FLT4: variants seen among roughly 807,000 people sequenced by gnomAD.
FLT4 encodes fms related receptor tyrosine kinase 4.
FLT4 carries 30 observed loss-of-function variants against 163.2 expected under a neutral mutation model. The ratio of observed to expected loss-of-function variants is 0.18; its 90% CI spans 0.14 to 0.25. The LOEUF (loss-of-function observed/expected upper bound fraction) is 0.25, where lower values mean the gene tolerates loss of function less well. Ranked by LOEUF, FLT4 falls within the 10% of genes least tolerant of loss-of-function variation. The pLI is 1.00. For missense variants in FLT4, 1,510 were observed against 1,863.8 expected, an observed-to-expected ratio of 0.81 and a Z score of 3.50; for synonymous variants, 884 against 789.5, an observed-to-expected ratio of 1.12 and a Z score of -2.01.
In FLT4 at chr5:180,603,071, G is replaced by A; in HGVS notation, c.*121C>T. On this transcript the variant is annotated 3_prime_UTR_variant, in exon 30 of 30. Transcript: ENST00000261937. ...CCTAGCTGGGAAGTCTGCAGAGAGGGAAGAGGACACTCCTGTGCCACCAGA... is the reference window on the plus strand; with the variant it reads ...CCTAGCTGGGAAGTCTGCAGAGAGGAAAGAGGACACTCCTGTGCCACCAGA... The A allele has an allele frequency of 1.0e-6, 1 of 956,962 alleles. No homozygotes were observed. Among genetic ancestry groups the A allele is most frequent in the Admixed American group, 2.0e-5 (1 of 49,938 alleles). The allele number at this position is 956,962 out of a possible 1,614,324, so 59.3% of individuals were successfully genotyped here.
At chr5:180,628,570 G>A (rs1763828962) in intron 8 of FLT4, among the ~76,000 whole-genome samples, 1 of 152,238 alleles carries the variant, frequency 6.6e-6, no homozygotes, top group African/African-American at 2.4e-5. Flanking sequence ...TGGAGATTCT[G>A]CAGGGCAGAG....
At chr5:180,629,882 C>T (rs780961346) in intron 5 of FLT4, 47 bp from the exon 6 acceptor site, 1 of 1,612,602 alleles carries the variant, frequency 6.2e-7, no homozygotes, top group Non-Finnish European at 8.5e-7. Context: ...AGGACGACAC[C>T]CACTGAGGCC....
Position 180,621,816 on chromosome 5 carries a change from G to A in FLT4, c.1746C>T (p.Ser582=). The A allele has an allele frequency of 6.2e-7, 1 of 1,613,408 alleles. No individual in the cohort carries two copies. Among genetic ancestry groups the A allele is most frequent in the Non-Finnish European group, 8.5e-7 (1 of 1,179,960 alleles). ...QPVLLSCQAD[S]YKYEHLRWYR... Reference sequence around the variant, plus strand: ...ACCAGCGCAGATGCTCGTACTTGTAGCTGTCGGCTTGGCAGCTCAGGAGCA... The same window carrying A: ...ACCAGCGCAGATGCTCGTACTTGTAACTGTCGGCTTGGCAGCTCAGGAGCA... The change falls in exon 13 of 30, where the codon AGC becomes AGT. Residue 582 remains serine (S), a synonymous_variant. Transcript: ENST00000261937.
chr5:180,618,759 C>T lies in FLT4; in HGVS notation c.3001+11G>A, dbSNP rs1762873165. 6.3e-7 allele frequency: 1 copy of T among 1,583,508 alleles called. No homozygotes were observed. Among genetic ancestry groups the T allele is most frequent in the Non-Finnish European group, 8.6e-7 (1 of 1,165,486 alleles). On this transcript the variant is annotated intron_variant, in intron 21 of 29. Transcript: ENST00000261937. ...CAGGCACTAGGAAAAGGGAAGAGGC[C>T]AGGCTCTCACCTTCTTGGTCTGGAG...
intron 29 of FLT4, chr5:180,608,315 T>C (rs936991627): frequency 1.3e-5 from 9 of 700,756 alleles, no homozygotes; most frequent in African/African-American, 1.2e-4. Flanking sequence ...CCCATGATCA[T>C]GTGACTTGCT....
At chr5:180,605,191 C>T (rs1050216314) in intron 29 of FLT4, among the ~76,000 whole-genome samples, 27 of 152,318 alleles carry the variant, frequency 1.8e-4, no homozygotes, top group East Asian at 1.9e-4. Flanking sequence ...TCTTGAACTC[C>T]GGGCCTCAAG....
intron 1 of FLT4, among the ~76,000 whole-genome samples, chr5:180,641,702 T>C (rs13362185): frequency 0.042 from 6,412 of 152,250 alleles, 194 homozygotes; most frequent in South Asian, 0.12. Flanking sequence ...CCCTGTGCCT[T>C]CAGAGCTTAA....
Position 180,630,098 on chromosome 5 carries a change from G to A in FLT4, c.521C>T (p.Ser174Leu), listed in dbSNP as rs773696166. Residue 174 changes from serine to leucine, a missense_variant, in exon 5 of 30, where the codon TCG becomes TTG. By Grantham distance (145) the Ser-to-Leu change is moderately radical. This residue lies in a region of FLT4 where 163 missense variants were observed against 281.1 expected (regional missense o/e 0.58). Transcript: ENST00000261937. The surrounding 1 kb of genome is among the most constrained non-coding windows in gnomAD (Gnocchi z 6.3). ...CTCCTGCCCGTCTGGCCACAGCACCGAGCTTTGCTGGAGGGACAAGGCCAC... is the reference window on the plus strand; with the variant it reads ...CTCCTGCCCGTCTGGCCACAGCACCAAGCTTTGCTGGAGGGACAAGGCCAC... ...GLNVTLRSQS[S>L]VLWPDGQEVV... The A allele has an allele frequency of 1.4e-4, 226 of 1,612,510 alleles. No individual in the cohort carries two copies. The highest frequency in any genetic ancestry group is 1.9e-4 in the Non-Finnish European group (219 of 1,179,984).
chr5:180,647,724 T>A (rs1765552392), intron 1 of FLT4, among the ~76,000 whole-genome samples: 1 of 151,936 alleles, frequency 6.6e-6, no homozygotes, highest in Non-Finnish European at 1.5e-5. Flanking sequence ...ATGACCTCTG[T>A]CTTCATTGCC....
At chr5:180,612,346 G>T (rs1370118277) in intron 26 of FLT4, 160 bp downstream of exon 26, 1 of 670,734 alleles carries the variant, frequency 1.5e-6, no homozygotes, top group Admixed American at 2.2e-5. Flanking sequence ...AGATGCAAGG[G>T]TGTGGGGACG....
rs756305061 is a variant in FLT4 at position 180,614,185 on chromosome 5, G to T, written c.3220-6C>A. 1 of 1,595,418 alleles carries T rather than the reference G, an allele frequency of 6.3e-7. No individual in the cohort carries two copies. The highest frequency in any genetic ancestry group is 8.6e-7 in the Non-Finnish European group (1 of 1,166,052). On this transcript the variant is annotated splice_polypyrimidine_tract_variant and splice_region_variant and intron_variant, in intron 23 of 29. Transcript: ENST00000261937. The stretch of plus-strand genomic sequence containing the variant: ...CACTTCAGGGGCAGCCGGGCCTGGG[G>T]AGACAGAGGGAAGCTTGTCCCGTGG...
chr5:180,601,533 A>G lies in FLT4; in HGVS notation c.*1659T>C. ...CGCAACACACACAAAGACCGGCATC[A>G]GATTTATTATTATCTCTTGTTAAAT... On this transcript the variant is annotated 3_prime_UTR_variant, in exon 30 of 30. Coordinates refer to ENST00000261937, the MANE Select transcript of FLT4 (RefSeq NM_182925.5). The G allele has an allele frequency of 4.3e-6, 1 of 232,866 alleles. No homozygotes were observed. The highest frequency in any genetic ancestry group is 1.3e-3 in the Middle Eastern group (1 of 782). 14.4% of individuals were successfully genotyped at this position (232,866 alleles called of 1,614,324 possible). A position where few individuals can be genotyped will look rare whatever the true frequency, so the allele number is the denominator to read the frequency against.
At chr5:180,609,476 A>C in intron 28 of FLT4, 1 of 358,328 alleles carries the variant, frequency 2.8e-6, no homozygotes. Flanking sequence ...TTTTATTTTG[A>C]ATTACACGGG....
At position 180,620,240 on chromosome 5, in the gene FLT4, C is replaced by T. The variant is rs1169185222; in HGVS notation, c.2475G>A (p.Glu825=). ...IIMDPGEVPL[E]EQCEYLSYDA... Reference sequence around the variant, plus strand: ...CGTAGGACAGGTATTCGCATTGCTCCTCCAGAGGCACCTCCCCGGGGTCCA... The same window carrying T: ...CGTAGGACAGGTATTCGCATTGCTCTTCCAGAGGCACCTCCCCGGGGTCCA... Residue 825 remains glutamate (E), a synonymous_variant, in exon 17 of 30, where the codon GAG becomes GAA. Transcript: ENST00000261937. This position sits in a 1 kb window ranked among gnomAD's most constrained non-coding sequence, Gnocchi z 4.4. 25 of 1,611,936 alleles carry T rather than the reference C, an allele frequency of 1.6e-5. No individual in the cohort carries two copies. The highest frequency in any genetic ancestry group is 2.7e-5 in the African/African-American group (2 of 74,910).
chr5:180,608,874 G>C (rs927861124), intron 29 of FLT4, 94 bp downstream of exon 29: 1 of 1,110,648 alleles, frequency 9.0e-7, no homozygotes, highest in African/African-American at 1.5e-5. Context: ...AAAGGTTCCG[G>C]GAAGAGGGCT....
chr5:180,614,811 C>T (rs1167040238), intron 23 of FLT4, among the ~76,000 whole-genome samples: 1 of 152,164 alleles, frequency 6.6e-6, no homozygotes, highest in East Asian at 1.9e-4. Context: ...CAACCAGCGG[C>T]CATGCTGGGC....
At chr5:180,603,484 G>A in intron 29 of FLT4, 94 bp from the exon 30 acceptor site, 3 of 1,152,480 alleles carry the variant, frequency 2.6e-6, no homozygotes, top group Non-Finnish European at 3.8e-6. Context: ...GGCCTAGGCA[G>A]GCGGATGGCT....
chr5:180,613,605 A>C, intron 24 of FLT4: 1 of 276,748 alleles, frequency 3.6e-6, no homozygotes, highest in Non-Finnish European at 7.0e-6. Context: ...CGCCTCCTAC[A>C]CTCTTCCTGC....
At position 180,603,335 on chromosome 5, in the gene FLT4, C is replaced by G. The variant is rs773779407; in HGVS notation, c.3949G>C (p.Gly1317Arg). ...AVTRAHPDSQ[G>R]RRRRPERGAR... Reference sequence around the variant, plus strand: ...CCCCGCTCAGGCCGCCGCCGCCTCCCTTGGGAGTCAGGGTGTGCCCTGGTC... The same window carrying G: ...CCCCGCTCAGGCCGCCGCCGCCTCCGTTGGGAGTCAGGGTGTGCCCTGGTC... Residue 1317 changes from glycine (G) to arginine (R), a missense_variant, in exon 30 of 30, where the codon GGG (glycine) becomes CGG (arginine). Physicochemically the swap from Gly to Arg is moderately radical, Grantham distance 125. This residue lies in a region of FLT4 where 295 missense variants were observed against 311.0 expected (regional missense o/e 0.95). Transcript: ENST00000261937. 5.6e-6 allele frequency: 9 copies of G among 1,613,964 alleles called. No individual in the cohort carries two copies. The Admixed American group carries it at 1.0e-4, about 18-fold the overall frequency.
Sources: gnomAD v4.1 joint callset for allele counts (sites outside exome capture counted in the v4.1 genomes callset) on GRCh38, gnomAD v4.1.1 for gene constraint, gnomAD v4.1.1 regional missense constraint, Gnocchi (gnomAD v3.1) non-coding constraint, MANE v1.5 for transcripts, NCBI Gene and HGNC (gene_info 2026-07-23, HGNC 2026-07-21) for gene names.